Variants in BCAR3 observed in about 807,000 individuals in gnomAD.
The protein encoded by BCAR3 is breast cancer anti-estrogen resistance protein 3.
A neutral mutation model predicts 80.1 loss-of-function variants in BCAR3; 37 were observed. The observed-to-expected ratio is 0.46, with a 90% CI of 0.36 to 0.61. BCAR3 has a LOEUF of 0.61. BCAR3 is among the 20% of genes least tolerant of loss of function. BCAR3 has a pLI of 0.00. For missense variants in BCAR3, 978 were observed against 1,068.2 expected (o/e 0.92, Z 1.18); for synonymous variants, 389 against 418.9 (o/e 0.93, Z 0.87).
chr1:93,634,138 C>T (rs993462552), intron 3 of BCAR3, among the ~76,000 whole-genome samples: 5 of 152,178 alleles, frequency 3.3e-5, no homozygotes, highest in Admixed American at 1.3e-4. Flanking sequence ...TTTTCTGTCA[C>T]TATAAGTTTT....
At chr1:93,817,071 C>A (rs1465802989) in intron 2 of BCAR3, among the ~76,000 whole-genome samples, 1 of 152,226 alleles carries the variant, frequency 6.6e-6, no homozygotes, top group African/African-American at 2.4e-5. Flanking sequence ...TGCTTCTCAG[C>A]CATCTGTTTC....
intron 3 of BCAR3, among the ~76,000 whole-genome samples, chr1:93,604,774 T>C (rs1674725677): frequency 6.6e-6 from 1 of 152,224 alleles, no homozygotes; most frequent in African/African-American, 2.4e-5. Context: ...TCTGAAAACT[T>C]CGGGTAGAAT....
At chr1:93,782,826 G>A (rs1571124070) in intron 2 of BCAR3, among the ~76,000 whole-genome samples, 1 of 152,296 alleles carries the variant, frequency 6.6e-6, no homozygotes, top group East Asian at 1.9e-4. Flanking sequence ...ACTACATGAA[G>A]CTTAAGAACA....
At chr1:93,830,435 A>T (rs774711675) in intron 2 of BCAR3, among the ~76,000 whole-genome samples, 8 of 152,186 alleles carry the variant, frequency 5.3e-5, no homozygotes, top group Non-Finnish European at 8.8e-5. Flanking sequence ...TCCTGCCTTA[A>T]CTGATGACAT....
intron 2 of BCAR3, among the ~76,000 whole-genome samples, chr1:93,714,460 C>A (rs1472155929): frequency 1.3e-5 from 2 of 152,254 alleles, no homozygotes; most frequent in East Asian, 3.9e-4. Context: ...CCTGAAGGGA[C>A]ACAAAACCAC....
chr1:93,734,890 G>A lies in BCAR3; in HGVS notation c.-62-28748C>T, dbSNP rs377087311. Among the ~76,000 whole-genome samples, 39 of 152,284 alleles carry A rather than the reference G, an allele frequency of 2.6e-4. 3 individuals carry two copies. Among genetic ancestry groups the A allele is most frequent in the Admixed American group, 1.2e-3 (19 of 15,308 alleles). On this transcript the variant is annotated intron_variant, in intron 2 of 13. Transcript: ENST00000370244. The stretch of plus-strand genomic sequence containing the variant: ...TCACCCTTCAGTTATCATACTAAAT[G>A]TTAGTTCCTCTGAGTGGTCCTCCCT...
intron 2 of BCAR3, among the ~76,000 whole-genome samples, chr1:93,718,620 C>G (rs894269993): frequency 1.3e-5 from 2 of 151,802 alleles, no homozygotes; most frequent in African/African-American, 2.4e-5. Context: ...TGTAAAGTCC[C>G]TCCAGGATGC....
chr1:93,588,642 T>C (rs1196380282), intron 5 of BCAR3, among the ~76,000 whole-genome samples: 4 of 152,084 alleles, frequency 2.6e-5, no homozygotes, highest in Non-Finnish European at 5.9e-5. Flanking sequence ...CCCACACTTA[T>C]GCCCATGCTA....
intron 3 of BCAR3, among the ~76,000 whole-genome samples, chr1:93,620,517 G>A (rs979838865): frequency 3.9e-5 from 6 of 152,122 alleles, no homozygotes; most frequent in Non-Finnish European, 8.8e-5. Flanking sequence ...TGGGGATCCT[G>A]TGGGCCCCCT....
At position 93,654,293 on chromosome 1, in the gene BCAR3, G is replaced by A. The variant is rs1052732089; in HGVS notation, c.318-11950C>T. Reference sequence around the variant, plus strand: ...AGGTGGGCCTGACATGAAGTATGACGGGGATCTGATGTGAGGGACCCTGCC... The same window carrying A: ...AGGTGGGCCTGACATGAAGTATGACAGGGATCTGATGTGAGGGACCCTGCC... On this transcript the variant is annotated intron_variant, in intron 2 of 11. Transcript: ENST00000260502. Among the ~76,000 whole-genome samples, 8 of 152,290 alleles carry A rather than the reference G, an allele frequency of 5.3e-5. No homozygotes were observed. In the East Asian group the frequency reaches 7.7e-4, roughly 15 times the overall value.
chr1:93,652,463 G>A (rs1226873235), intron 2 of BCAR3, among the ~76,000 whole-genome samples: 1 of 152,112 alleles, frequency 6.6e-6, no homozygotes, highest in Non-Finnish European at 1.5e-5. Context: ...ACCCTTTCCA[G>A]GGAGCTAGAA....
At chr1:93,769,973 C>A (rs1233256608) in intron 2 of BCAR3, among the ~76,000 whole-genome samples, 6 of 152,136 alleles carry the variant, frequency 3.9e-5, no homozygotes, top group Non-Finnish European at 5.9e-5. Flanking sequence ...AGAAAGAGGA[C>A]AAAAGCAGCG....
intron 2 of BCAR3, among the ~76,000 whole-genome samples, chr1:93,720,452 G>T (rs1409661245): frequency 6.6e-6 from 1 of 152,214 alleles, no homozygotes; most frequent in Non-Finnish European, 1.5e-5. Context: ...CTTCACTGCT[G>T]ATACAGGGGC....
Position 93,630,227 on chromosome 1 carries a change from A to T in BCAR3, c.357+12077T>A, listed in dbSNP as rs1675572233. On this transcript the variant is annotated intron_variant, in intron 3 of 11. Transcript: ENST00000260502. ...TGTACTCACAAAAATTAAAAATTAA[A>T]ATAAACGCCCTTGTGCATCTGGTGT... is the stretch of plus-strand genomic sequence containing the variant. 3.3e-5 allele frequency among the ~76,000 whole-genome samples: 5 copies of T among 152,196 alleles called. No individual in the cohort carries two copies. In the South Asian group the frequency reaches 1.0e-3, roughly 32 times the overall value.
At chr1:93,806,263 A>G (rs1292696527) in intron 2 of BCAR3, among the ~76,000 whole-genome samples, 1 of 152,222 alleles carries the variant, frequency 6.6e-6, no homozygotes, top group African/African-American at 2.4e-5. Flanking sequence ...CACAGGAGCC[A>G]TACACAAAGT....
chr1:93,801,678 G>C (rs1293810089), intron 2 of BCAR3, among the ~76,000 whole-genome samples: 1 of 152,214 alleles, frequency 6.6e-6, no homozygotes, highest in African/African-American at 2.4e-5. Context: ...CAGTTTCTCA[G>C]GCTGGGTGTG....
chr1:93,684,265 T>A (rs78983277), upstream of BCAR3, among the ~76,000 whole-genome samples: 1 of 152,192 alleles, frequency 6.6e-6, no homozygotes, highest in African/African-American at 2.4e-5. Flanking sequence ...TTTTCTTGAT[T>A]TTCAAAGTTC....
chr1:93,733,625 C>T (rs1215176136), intron 2 of BCAR3, among the ~76,000 whole-genome samples: 1 of 152,248 alleles, frequency 6.6e-6, no homozygotes, highest in Non-Finnish European at 1.5e-5. Context: ...GTACCCTTTT[C>T]TCTACCCAGA....
chr1:93,611,458 C>T (rs532788970), intron 3 of BCAR3, among the ~76,000 whole-genome samples: 5 of 152,292 alleles, frequency 3.3e-5, no homozygotes, highest in Non-Finnish European at 5.9e-5. Context: ...AAAACACTTT[C>T]GTCTTTTTTC....
Sources: allele counts gnomAD v4.1 joint callset (sites outside exome capture counted in the v4.1 genomes callset), GRCh38; gene constraint gnomAD v4.1.1; transcripts MANE v1.5; gene names NCBI Gene and HGNC (gene_info 2026-07-23, HGNC 2026-07-21).